The following LMF1 variants were observed in gnomAD, a reference collection of about 807,000 sequenced individuals.
The protein encoded by LMF1 is lipase maturation factor 1, also known as transmembrane protein 112.
In LMF1, 68 loss-of-function variants were observed where a neutral mutation model predicts 60.6. The ratio of observed to expected loss-of-function variants is 1.12; its 90% confidence interval spans 0.92 to 1.37. The LOEUF is 1.37. LMF1 is among the 40% of genes most tolerant of loss of function. LMF1 has a pLI of 0.00. For missense variants in LMF1, 948 were observed against 767.2 expected (o/e 1.24, Z -2.78); for synonymous variants, 418 against 324.7 (o/e 1.29, Z -3.09).
Position 882,504 on chromosome 16 carries a change from C to T in LMF1, c.730-2767G>A, listed in dbSNP as rs141203024. ...CCGGGAGATGCACTAGGTTCCAGTACAAGTGAAGCCTTCCTGGACCTCCCG... is the reference window on the plus strand; with the variant it reads ...CCGGGAGATGCACTAGGTTCCAGTATAAGTGAAGCCTTCCTGGACCTCCCG... On this transcript the variant is annotated intron_variant, in intron 5 of 10. Transcript: ENST00000262301. 4.7e-3 allele frequency among the ~76,000 whole-genome samples: 718 copies of T among 152,374 alleles called. 7 individuals carry two copies. The highest frequency in any genetic ancestry group is 0.016 in the African/African-American group (677 of 41,594).
intron 3 of LMF1, among the ~76,000 whole-genome samples, chr16:929,960 C>G (rs12929009): frequency 0.44 from 63,082 of 142,690 alleles, 14,561 homozygotes; most frequent in African/African-American, 0.63. Flanking sequence ...CAGCAGTCGC[C>G]TCTGTCTGAA....
chr16:899,790 G>A (rs1397154670), intron 4 of LMF1: 1 of 152,246 alleles, frequency 6.6e-6, no homozygotes, highest in East Asian at 1.9e-4. Context: ...TCCTGGGCCT[G>A]TGGGAAAAGA....
chr16:853,766 G>A lies in LMF1; in HGVS notation c.*766C>T, dbSNP rs769169393. ...GACGATGATGAAAGTGTGCACGGCC[G>A]GCTGTCCTCCGATTGAGGGGCCTTG... is the stretch of plus-strand genomic sequence containing the variant. On this transcript the variant is annotated 3_prime_UTR_variant, in exon 11 of 11. Coordinates refer to ENST00000262301, the MANE Select transcript of LMF1 (RefSeq NM_022773.4). 9.3e-5 allele frequency: 42 copies of A among 454,014 alleles called. No individual in the cohort carries two copies. Among genetic ancestry groups the A allele is most frequent in the Non-Finnish European group, 1.6e-4 (36 of 226,798 alleles). 28.1% of individuals were successfully genotyped at this position (454,014 alleles called of 1,614,324 possible).
chr16:947,447 G>T (rs1457954817), intron 2 of LMF1: 1 of 455,632 alleles, frequency 2.2e-6, no homozygotes, highest in East Asian at 6.9e-5. Context: ...AGTGAGAAAT[G>T]AAGCACCGAG....
At chr16:938,484 G>A (rs2072006141) in intron 2 of LMF1, among the ~76,000 whole-genome samples, 1 of 152,236 alleles carries the variant, frequency 6.6e-6, no homozygotes, top group South Asian at 2.1e-4. Context: ...GTTCGGCAGT[G>A]CCAGTGAGGC....
chr16:976,147 T>C (rs2073135709), intron 1 of LMF1: 1 of 453,752 alleles, frequency 2.2e-6, no homozygotes, highest in Non-Finnish European at 4.4e-6. Flanking sequence ...CCCCAGGCCC[T>C]GTGTCCCTTC....
At chr16:930,630 G>C (rs1286860688) in intron 3 of LMF1, among the ~76,000 whole-genome samples, 5 of 152,268 alleles carry the variant, frequency 3.3e-5, no homozygotes, top group Non-Finnish European at 7.3e-5. Flanking sequence ...GACGGGGGCT[G>C]TGCGGACTTC....
chr16:868,354 A>T (rs1351985456), intron 10 of LMF1, among the ~76,000 whole-genome samples: 1 of 151,914 alleles, frequency 6.6e-6, no homozygotes, highest in Non-Finnish European at 1.5e-5. Flanking sequence ...CTCCCTGTGC[A>T]CCCCAGCTCC....
At chr16:886,419 G>A (rs993415387) in intron 5 of LMF1, among the ~76,000 whole-genome samples, 5 of 151,924 alleles carry the variant, frequency 3.3e-5, no homozygotes, top group Admixed American at 2.0e-4. Flanking sequence ...GCCTGCACTC[G>A]CCCAGTGGGC....
At chr16:914,984 A>G (rs1411737725) in intron 3 of LMF1, among the ~76,000 whole-genome samples, 1 of 152,254 alleles carries the variant, frequency 6.6e-6, no homozygotes, top group Non-Finnish European at 1.5e-5. Context: ...CGGCGTCTCT[A>G]AGGACTCCGG....
At chr16:947,019 C>A (rs2072253766) in intron 2 of LMF1, among the ~76,000 whole-genome samples, 1 of 152,262 alleles carries the variant, frequency 6.6e-6, no homozygotes, top group Non-Finnish European at 1.5e-5. Context: ...ACAGGCAGGA[C>A]TGAGTGCTAG....
chr16:976,674 T>C (rs750085865), intron 1 of LMF1: 82 of 453,950 alleles, frequency 1.8e-4, no homozygotes, highest in African/African-American at 4.0e-5. Flanking sequence ...TGGAGACGGA[T>C]AGGCCCAGCC....
intron 6 of LMF1, among the ~76,000 whole-genome samples, chr16:877,798 C>G (rs2070036324): frequency 6.6e-6 from 1 of 152,126 alleles, no homozygotes. Flanking sequence ...ACCCACAGGA[C>G]GCGTCTCTGA....
At chr16:926,693 C>T (rs182958323) in intron 3 of LMF1, among the ~76,000 whole-genome samples, 134 of 152,340 alleles carry the variant, frequency 8.8e-4, no homozygotes, top group African/African-American at 3.0e-3. Context: ...AGGTGGAACC[C>T]GGCACCACGG....
intron 4 of LMF1, chr16:893,295 G>A (rs1183406512): frequency 1.7e-5 from 11 of 642,976 alleles, no homozygotes; most frequent in East Asian, 3.1e-5. Flanking sequence ...TGCACACCGC[G>A]GGCGTGAGCA....
At chr16:883,320 A>G (rs975449301) in intron 5 of LMF1, among the ~76,000 whole-genome samples, 3 of 152,028 alleles carry the variant, frequency 2.0e-5, no homozygotes, top group Admixed American at 2.0e-4. Context: ...GACCAGGAGA[A>G]AGAGAAGCCG....
At chr16:918,034 C>T (rs999073322) in intron 3 of LMF1, among the ~76,000 whole-genome samples, 13 of 152,330 alleles carry the variant, frequency 8.5e-5, no homozygotes, top group East Asian at 5.8e-4. Flanking sequence ...CGGGACGTGG[C>T]GCGGGGCGGC....
At chr16:892,398 C>T (rs1486709474) in intron 5 of LMF1, among the ~76,000 whole-genome samples, 1 of 152,204 alleles carries the variant, frequency 6.6e-6, no homozygotes, top group African/African-American at 2.4e-5. Context: ...TATCCAAGCT[C>T]CAGGCCCCAG....
chr16:917,556 C>T (rs2071316585), intron 3 of LMF1, among the ~76,000 whole-genome samples: 1 of 152,214 alleles, frequency 6.6e-6, no homozygotes, highest in African/African-American at 2.4e-5. Flanking sequence ...TGAAGAAATG[C>T]CACACGTGTG....
Sources: gnomAD v4.1 joint callset for allele counts (sites outside exome capture counted in the v4.1 genomes callset) on GRCh38, gnomAD v4.1.1 for gene constraint, MANE v1.5 for transcripts, NCBI Gene and HGNC (gene_info 2026-07-23, HGNC 2026-07-21) for gene names.